Variants in AGMO observed in about 807,000 individuals in gnomAD.
AGMO encodes the protein glyceryl-ether monooxygenase.
A neutral mutation model predicts 60.2 loss-of-function variants in AGMO; 75 were observed. The observed-to-expected ratio is 1.25, with a 90% CI of 1.03 to 1.51. The LOEUF (loss-of-function observed/expected upper bound fraction) is 1.51, where lower values mean the gene tolerates loss of function less well. Among genes scored for constraint, AGMO ranks in the 40% most tolerant of loss-of-function variants. The pLI, the probability that AGMO is intolerant of heterozygous loss-of-function variation, is 0.00. For synonymous variants in AGMO, 261 were observed against 177.1 expected, an observed-to-expected ratio of 1.47 and a Z score of -3.76; for missense variants, 763 against 525.5, an observed-to-expected ratio of 1.45 and a Z score of -4.42.
chr7:15,165,240 G>A, the AGMO span, among the ~76,000 whole-genome samples: 2 of 152,096 alleles, frequency 1.3e-5, no homozygotes, highest in African/African-American at 2.4e-5. Context: ...AGTGGGGAGG[G>A]AGGGAGAGAA....
intron 12 of AGMO, among the ~76,000 whole-genome samples, chr7:15,329,228 C>T (rs945473096): frequency 1.3e-5 from 2 of 152,178 alleles, no homozygotes; most frequent in African/African-American, 2.4e-5. Context: ...ATTTGATATA[C>T]TTTAATTGTT....
At chr7:15,247,449 C>CAGAGAG (rs748208299) in intron 12 of AGMO, among the ~76,000 whole-genome samples, 140 of 116,424 alleles carry the variant, frequency 1.2e-3, no homozygotes, top group Admixed American at 3.3e-3. Context: ...CACACACACA[C>CAGAGAG]ACACACACAC....
At chr7:15,321,629 A>C (rs1781111539) in intron 12 of AGMO, among the ~76,000 whole-genome samples, 1 of 152,168 alleles carries the variant, frequency 6.6e-6, no homozygotes, top group Admixed American at 6.6e-5. Flanking sequence ...ATAGTGCAAG[A>C]TTTAAACATT....
intron 12 of AGMO, among the ~76,000 whole-genome samples, chr7:15,321,321 C>A (rs190388888): frequency 6.6e-6 from 1 of 152,126 alleles, no homozygotes; most frequent in Non-Finnish European, 1.5e-5. Context: ...TATGCATGCA[C>A]CTTTCTAAAA....
At chr7:15,468,596 G>C (rs941349074) in intron 3 of AGMO, among the ~76,000 whole-genome samples, 1 of 151,982 alleles carries the variant, frequency 6.6e-6, no homozygotes, top group East Asian at 1.9e-4. Context: ...AATTTGATAA[G>C]AACGTGCCTT....
At chr7:15,288,857 A>AT (rs1563071350) in intron 12 of AGMO, among the ~76,000 whole-genome samples, 3 of 149,784 alleles carry the variant, frequency 2.0e-5, no homozygotes, top group East Asian at 1.9e-4. Flanking sequence ...AAAATAAAAA[A>AT]AAAAAAAATA....
At chr7:15,289,442 G>A (rs1371578650) in intron 12 of AGMO, among the ~76,000 whole-genome samples, 7 of 151,918 alleles carry the variant, frequency 4.6e-5, no homozygotes, top group Admixed American at 4.6e-4. Flanking sequence ...TAAAATTCCA[G>A]CTATTACTAG....
At chr7:15,374,631 A>G (rs777693380) in intron 10 of AGMO, among the ~76,000 whole-genome samples, 1 of 152,108 alleles carries the variant, frequency 6.6e-6, no homozygotes, top group Non-Finnish European at 1.5e-5. Flanking sequence ...TTGTTTTCAA[A>G]TCACAGGGCA....
intron 5 of AGMO, among the ~76,000 whole-genome samples, chr7:15,411,627 C>A (rs548547916): frequency 6.6e-6 from 1 of 151,802 alleles, no homozygotes; most frequent in African/African-American, 2.4e-5. Flanking sequence ...GCAACATATT[C>A]CTTTACACAA....
intron 6 of AGMO, 55 bp downstream of exon 6, chr7:15,394,058 A>C: frequency 1.1e-5 from 15 of 1,327,292 alleles, no homozygotes; most frequent in Non-Finnish European, 1.6e-5. Flanking sequence ...AAGGAAAATA[A>C]TAATGCAATT....
At chr7:15,231,831 G>A (rs1340535202) in intron 12 of AGMO, among the ~76,000 whole-genome samples, 2 of 152,118 alleles carry the variant, frequency 1.3e-5, no homozygotes, top group African/African-American at 4.8e-5. Flanking sequence ...GTACAAAGCT[G>A]TGCAGCTTTG....
chr7:15,491,355 T>C (rs555164012), intron 3 of AGMO, among the ~76,000 whole-genome samples: 2 of 152,304 alleles, frequency 1.3e-5, no homozygotes, highest in Admixed American at 6.5e-5. Context: ...ATGCCTACGG[T>C]GATCTTAGCA....
intron 3 of AGMO, among the ~76,000 whole-genome samples, chr7:15,538,414 G>A (rs1038483702): frequency 6.6e-6 from 1 of 151,970 alleles, no homozygotes; most frequent in Non-Finnish European, 1.5e-5. Flanking sequence ...TTAATGTTTT[G>A]TAAAGACGAA....
intron 12 of AGMO, among the ~76,000 whole-genome samples, chr7:15,279,466 G>GT (rs1783899556): frequency 6.6e-6 from 1 of 151,774 alleles, no homozygotes; most frequent in African/African-American, 2.4e-5. Context: ...ATGAACACTG[G>GT]TTGTTTTTTT....
At chr7:15,561,538 G>A (rs1247228942) in intron 1 of AGMO, among the ~76,000 whole-genome samples, 182 bp downstream of exon 1, 1 of 152,120 alleles carries the variant, frequency 6.6e-6, no homozygotes, top group South Asian at 2.1e-4. Flanking sequence ...AGATGGCTAT[G>A]GATTGTAAGA....
chr7:15,132,203 A>G, the AGMO span, among the ~76,000 whole-genome samples: 2 of 152,290 alleles, frequency 1.3e-5, no homozygotes, highest in Admixed American at 1.3e-4. Flanking sequence ...TTAGAGGAGT[A>G]TAAAAAGTGT....
chr7:15,229,176 C>A (rs1012059639), intron 12 of AGMO, among the ~76,000 whole-genome samples: 1 of 151,956 alleles, frequency 6.6e-6, no homozygotes, highest in Non-Finnish European at 1.5e-5. Context: ...ATGTTGCCTC[C>A]GACAAACACA....
rs930975158 is a variant in AGMO, at chr7:15,465,014, T to C, written c.410-33906A>G. 5.3e-5 allele frequency among the ~76,000 whole-genome samples: 8 copies of C among 152,302 alleles called. No individual in the cohort carries two copies. The South Asian group carries it at 1.7e-3, about 32-fold the overall frequency. ...CTTGCTAAGTCCATGTTCCCACGTG[T>C]CATTTTCTGTAATTAGAGAAAGTAG... On this transcript the variant is annotated intron_variant, in intron 3 of 12. Transcript: ENST00000342526.
chr7:15,273,794 T>C (rs891999509), intron 12 of AGMO, among the ~76,000 whole-genome samples: 5 of 152,194 alleles, frequency 3.3e-5, no homozygotes, highest in African/African-American at 9.7e-5. Flanking sequence ...CTCTTTTATT[T>C]TGTTGAGCAG....
Sources: gnomAD v4.1 joint callset for allele counts (sites outside exome capture counted in the v4.1 genomes callset) on GRCh38, gnomAD v4.1.1 for gene constraint, MANE v1.5 for transcripts, NCBI Gene and HGNC (gene_info 2026-07-23, HGNC 2026-07-21) for gene names.